Variants in FPGS observed in about 807,000 individuals in gnomAD.
FPGS encodes folylpolyglutamate synthase, mitochondrial.
FPGS carries 53 observed loss-of-function variants against 66.5 expected under a neutral mutation model. The observed-to-expected ratio is 0.80, with a 90% CI of 0.64 to 1.00. The LOEUF (loss-of-function observed/expected upper bound fraction) is 1.00, where lower values mean the gene tolerates loss of function less well. FPGS is among the 50% of genes least tolerant of loss of function. FPGS has a pLI of 0.00. For missense variants in FPGS, 702 were observed against 807.7 expected, an observed-to-expected ratio of 0.87 and a Z score of 1.59; for synonymous variants, 348 against 350.9, an observed-to-expected ratio of 0.99 and a Z score of 0.09.
intron 14 of FPGS, among the ~76,000 whole-genome samples, chr9:127,812,161 A>C (rs960241405): frequency 4.6e-5 from 7 of 152,060 alleles, no homozygotes; most frequent in African/African-American, 1.7e-4. Flanking sequence ...AAGTGGAAGG[A>C]TCGCTTGAGC....
At position 127,803,002 on chromosome 9, in the gene FPGS, CGCGGCGCG is replaced by C; in HGVS notation, c.83_90del (p.Ala28GlyfsTer41). The stretch of plus-strand genomic sequence containing the variant: ...CTGCGCGCGGCATAACGACCCAGGT[CGCGGCGCG>C]GCGGGGCTTGAGCGCGTGGCCGGTG... On this transcript the variant is annotated frameshift_variant, in exon 1 of 15. Transcript: ENST00000373247. LOFTEE classifies it high-confidence loss of function. The C allele has an allele frequency of 5.5e-6, 8 of 1,465,396 alleles. No individual in the cohort carries two copies. Among genetic ancestry groups the C allele is most frequent in the Non-Finnish European group, 7.2e-6 (8 of 1,117,338 alleles). 90.8% of individuals were successfully genotyped at this position (1,465,396 alleles called of 1,614,324 possible).
chr9:127,809,633 AG>A (rs773597717), intron 11 of FPGS, 50 bp from the exon 12 acceptor site: 1 of 1,519,232 alleles, frequency 6.6e-7, no homozygotes, highest in Admixed American at 2.1e-5. Flanking sequence ...TGCGGAATTG[AG>A]GACGGGGGTG....
chr9:127,805,039 C>A (rs1829755736), intron 4 of FPGS, among the ~76,000 whole-genome samples: 1 of 152,006 alleles, frequency 6.6e-6, no homozygotes. Context: ...CAGGCACCTG[C>A]CACCACACCA....
chr9:127,814,234 G>C (rs963157513), downstream of FPGS: 15 of 830,726 alleles, frequency 1.8e-5, no homozygotes, highest in African/African-American at 9.2e-5. Context: ...ATGAGAAGAA[G>C]ACCAGACTGA....
Position 127,813,759 on chromosome 9 carries a change from CT to C in FPGS, c.*161del. The C allele has an allele frequency of 1.5e-6, 2 of 1,317,354 alleles. No homozygotes were observed. Among genetic ancestry groups the C allele is most frequent in the East Asian group, 3.1e-5 (1 of 32,728 alleles). 81.6% of individuals were successfully genotyped at this position (1,317,354 alleles called of 1,614,324 possible). A position where few individuals can be genotyped will look rare whatever the true frequency, so the allele number is the denominator to read the frequency against. On this transcript the variant is annotated 3_prime_UTR_variant, in exon 15 of 15. Coordinates refer to ENST00000373247, the MANE Select transcript of FPGS (RefSeq NM_004957.6). ...GGGATGGGAGGCCGGGAGAGGATGT[CT>C]TTTTTAAGGCTCTGTGCCTTGGTCT...
At chr9:127,811,508 CAG>C (rs1830076610) in intron 14 of FPGS, among the ~76,000 whole-genome samples, 1 of 151,840 alleles carries the variant, frequency 6.6e-6, no homozygotes, top group Admixed American at 6.6e-5. Context: ...ATTTTTGAGA[CAG>C]AGTCTCACTC....
chr9:127,803,776 T>A (rs766400335), intron 1 of FPGS, among the ~76,000 whole-genome samples: 26 of 152,280 alleles, frequency 1.7e-4, no homozygotes, highest in Non-Finnish European at 3.1e-4. Context: ...CCTACCTGCC[T>A]TCCTGGCTGA....
chr9:127,810,191 C>T lies in FPGS; in HGVS notation c.1287+85C>T. ...TGACCCTGGGGGGTGCCAATCCCCT[C>T]CCCCTTGAGTTGTATTGAGGATTAG... On this transcript the variant is annotated intron_variant, in intron 13 of 14. Transcript: ENST00000373247. 5 of 1,125,578 alleles carry T rather than the reference C, an allele frequency of 4.4e-6. No homozygotes were observed. The South Asian group carries it at 6.6e-5, about 15-fold the overall frequency. 69.7% of individuals were successfully genotyped at this position (1,125,578 alleles called of 1,614,324 possible). A position where few individuals can be genotyped will look rare whatever the true frequency, so the allele number is the denominator to read the frequency against.
At chr9:127,811,476 G>A (rs1429530969) in intron 14 of FPGS, among the ~76,000 whole-genome samples, 1 of 130,514 alleles carries the variant, frequency 7.7e-6, no homozygotes, top group Non-Finnish European at 1.7e-5. Context: ...GAGCGAGACT[G>A]TCTCAAAAAA....
At chr9:127,808,747 G>C in intron 10 of FPGS, 42 bp downstream of exon 10, 1 of 1,560,948 alleles carries the variant, frequency 6.4e-7, no homozygotes, top group Non-Finnish European at 8.7e-7. Context: ...GGTGGCACCT[G>C]TGGAGCCTGC....
intron 14 of FPGS, 143 bp from the exon 15 acceptor site, chr9:127,813,052 A>C: frequency 1.6e-6 from 2 of 1,235,388 alleles, no homozygotes; most frequent in Non-Finnish European, 2.2e-6. Flanking sequence ...GTGCATGGAG[A>C]AGGCCACTAG....
At position 127,813,778 on chromosome 9, in the gene FPGS, C is replaced by G. The variant is rs766011637; in HGVS notation, c.*174C>G. 6.2e-6 allele frequency: 8 copies of G among 1,299,498 alleles called. No individual in the cohort carries two copies. The African/African-American group carries it at 9.2e-5, about 15-fold the overall frequency. The allele number at this position is 1,299,498 out of a possible 1,614,324, so 80.5% of individuals were successfully genotyped here. ...GGATGTCTTTTTTAAGGCTCTGTGC[C>G]TTGGTCTCTCCTTCCTCTTGGCTGA... On this transcript the variant is annotated 3_prime_UTR_variant, in exon 15 of 15. Transcript: ENST00000373247.
chr9:127,810,859 C>T (rs1340094409), intron 13 of FPGS, 86 bp from the exon 14 acceptor site: 1 of 694,136 alleles, frequency 1.4e-6, no homozygotes, highest in East Asian at 2.8e-5. Context: ...GCTGCATCTC[C>T]AGAGATGTGG....
At chr9:127,803,087 C>T (rs1341269788) in intron 1 of FPGS, 25 bp downstream of exon 1, 1 of 1,365,568 alleles carries the variant, frequency 7.3e-7, no homozygotes, top group Non-Finnish European at 9.4e-7. Flanking sequence ...AGCGGGCCAG[C>T]GGGCCTGGGC....
At position 127,809,744 on chromosome 9, in the gene FPGS, G is replaced by T; in HGVS notation, c.1121G>T (p.Trp374Leu). The T allele has an allele frequency of 6.3e-7, 1 of 1,586,722 alleles. No individual in the cohort carries two copies. The part of the protein sequence containing the change: ...TQVLRRGPLT[W>L]YLDGAHTASS... Reference sequence around the variant, plus strand: ...GTGCTGCGGCGCGGGCCCCTCACCTGGTACCTGGACGGTGCGCACACCGCC... The same window carrying T: ...GTGCTGCGGCGCGGGCCCCTCACCTTGTACCTGGACGGTGCGCACACCGCC... The change falls in exon 12 of 15, where the codon TGG becomes TTG. Residue 374 changes from tryptophan to leucine, a missense_variant. Transcript: ENST00000373247.
In FPGS at chr9:127,807,088, G is replaced by A. The variant is rs1829843481; in HGVS notation, c.501+1G>A. On this transcript the variant is annotated splice_donor_variant, in intron 5 of 14. Transcript: ENST00000373247. LOFTEE classifies it high-confidence loss of function. The surrounding 1 kb of genome is among the most constrained non-coding windows in gnomAD (Gnocchi z 5.8). ...CTACCACCGGCTGGAGGAGACCAAG[G>A]TGCCGCATGCAGGAGGGCTGGCGGG... The A allele has an allele frequency of 9.3e-6, 15 of 1,613,648 alleles. No individual in the cohort carries two copies. Among genetic ancestry groups the A allele is most frequent in the African/African-American group, 1.3e-5 (1 of 74,932 alleles).
intron 11 of FPGS, 69 bp from the exon 12 acceptor site, chr9:127,809,615 A>T: frequency 6.9e-7 from 1 of 1,440,796 alleles, no homozygotes; most frequent in Non-Finnish European, 9.2e-7. Flanking sequence ...CGGGCTCAGG[A>T]GTGTGTGTGC....
In FPGS at chr9:127,809,831, G is replaced by C; in HGVS notation, c.1208G>C (p.Ser403Thr). ...GCGCTGCAGGGCCGCGAGAGGCCGA[G>C]CGGGTGAGGGGCAGGGCTGGGGGTG... The part of the protein sequence containing the change: ...RQALQGRERP[S>T]GGPEVRVLLF... Residue 403 changes from serine (S) to threonine (T), a missense_variant, in exon 12 of 15, where the codon AGC (serine) becomes ACC (threonine). Around this residue, in one of 3 missense-constraint regions of FPGS, gnomAD observed 351 missense variants for 363.7 expected, o/e 0.97. Transcript: ENST00000373247. The C allele has an allele frequency of 6.9e-7, 1 of 1,448,388 alleles. No homozygotes were observed. Among genetic ancestry groups the C allele is most frequent in the South Asian group, 1.4e-5 (1 of 70,326 alleles). 89.7% of individuals were successfully genotyped at this position (1,448,388 alleles called of 1,614,324 possible). A position where few individuals can be genotyped will look rare whatever the true frequency, so the allele number is the denominator to read the frequency against.
Position 127,813,625 on chromosome 9 carries a change from T to G in FPGS, c.*21T>G, listed in dbSNP as rs770819400. Reference sequence around the variant, plus strand: ...AGTAGCCAAGGCCCGGGGTTGGAGGTGGGAGCTTCCCACACCTGCCTGCGT... The same window carrying G: ...AGTAGCCAAGGCCCGGGGTTGGAGGGGGGAGCTTCCCACACCTGCCTGCGT... On this transcript the variant is annotated 3_prime_UTR_variant, in exon 15 of 15. Transcript: ENST00000373247. 6.7e-7 allele frequency: 1 copy of G among 1,503,398 alleles called. No individual in the cohort carries two copies. Among genetic ancestry groups the G allele is most frequent in the Non-Finnish European group, 8.9e-7 (1 of 1,125,652 alleles). 93.1% of individuals were successfully genotyped at this position (1,503,398 alleles called of 1,614,324 possible). A position where few individuals can be genotyped will look rare whatever the true frequency, so the allele number is the denominator to read the frequency against.
Sources: allele counts gnomAD v4.1 joint callset (sites outside exome capture counted in the v4.1 genomes callset), GRCh38; gene constraint gnomAD v4.1.1; regional missense constraint gnomAD v4.1.1; non-coding constraint Gnocchi (gnomAD v3.1); transcripts MANE v1.5; gene names NCBI Gene and HGNC (gene_info 2026-07-23, HGNC 2026-07-21).